The following TLCD4 variants were observed in gnomAD, a reference collection of about 807,000 sequenced individuals.
TLCD4 encodes TLC domain containing 4, also known as TLC domain-containing protein 4.
A neutral mutation model predicts 24.2 loss-of-function variants in TLCD4; 7 were observed. The ratio of observed to expected loss-of-function variants is 0.29; its 90% CI spans 0.16 to 0.54. The LOEUF (loss-of-function observed/expected upper bound fraction) is 0.54, where lower values mean the gene tolerates loss of function less well. Among genes scored for constraint, TLCD4 ranks in the 20% least tolerant of loss-of-function variants. TLCD4 has a pLI of 0.95. For missense variants in TLCD4, 259 were observed against 313.9 expected, an observed-to-expected ratio of 0.82 and a Z score of 1.32; for synonymous variants, 103 against 106.4, an observed-to-expected ratio of 0.97 and a Z score of 0.20.
the TLCD4 span, among the ~76,000 whole-genome samples, chr1:95,111,882 A>T: frequency 6.6e-6 from 1 of 152,232 alleles, no homozygotes; most frequent in Non-Finnish European, 1.5e-5. Context: ...CTCTGGAGAA[A>T]GGAGTTTATC....
chr1:95,098,250 AC>A, the TLCD4 span, among the ~76,000 whole-genome samples: 1 of 152,194 alleles, frequency 6.6e-6, no homozygotes, highest in African/African-American at 2.4e-5. Context: ...GATCTCAATA[AC>A]ACTAGTCCTC....
At position 95,193,511 on chromosome 1, in the gene TLCD4, C is replaced by T. The variant is rs1679091955; in HGVS notation, c.*1643C>T. Reference sequence around the variant, plus strand: ...TTGAACTCATACCAAAAGATGTAATCCAGTTTCTCAGTTTGAAGGAGAACG... The same window carrying T: ...TTGAACTCATACCAAAAGATGTAATTCAGTTTCTCAGTTTGAAGGAGAACG... On this transcript the variant is annotated 3_prime_UTR_variant, in exon 7 of 7. Transcript: ENST00000370203. 6.6e-6 allele frequency: 1 copy of T among 151,998 alleles called. No individual in the cohort carries two copies. The highest frequency in any genetic ancestry group is 2.4e-5 in the African/African-American group (1 of 41,414). The allele number at this position is 151,998 out of a possible 1,614,324, so 9.4% of individuals were successfully genotyped here.
chr1:95,173,837 A>G lies in TLCD4; in HGVS notation c.421A>G (p.Ile141Val), dbSNP rs771029666. Residue 141 changes from isoleucine (I) to valine (V), a missense_variant, in exon 6 of 7, where the codon ATT becomes GTT. Transcript: ENST00000370203. ...LVLKNGVLAY[I>V]GNFRLLAELS... Reference sequence around the variant, plus strand: ...TCAGAAAAATGGAGTGCTGGCATACATTGGGAATTTTCGCCTGCTTGCAGA... The same window carrying G: ...TCAGAAAAATGGAGTGCTGGCATACGTTGGGAATTTTCGCCTGCTTGCAGA... 11 of 1,614,046 alleles carry G rather than the reference A, an allele frequency of 6.8e-6. No individual in the cohort carries two copies. Among genetic ancestry groups the G allele is most frequent in the African/African-American group, 2.7e-5 (2 of 74,928 alleles).
At position 95,150,276 on chromosome 1, in the gene TLCD4, ATGT is replaced by A. The variant is rs776163387; in HGVS notation, c.304+15_304+17del. 6.0e-5 allele frequency: 97 copies of A among 1,609,212 alleles called. No homozygotes were observed. In the East Asian group the frequency reaches 1.1e-3, roughly 19 times the overall value. ...GGCTACCTCATTTCTGGTATGTGAG[ATGT>A]TGTTTTATTGTCTAATTCCTTGTAA... On this transcript the variant is annotated intron_variant, in intron 4 of 6. Coordinates refer to ENST00000370203, the MANE Select transcript of TLCD4 (RefSeq NM_152487.3).
chr1:95,127,011 A>G (rs1030792818), intron 1 of TLCD4, among the ~76,000 whole-genome samples: 1 of 152,304 alleles, frequency 6.6e-6, no homozygotes, highest in South Asian at 2.1e-4. Flanking sequence ...TGTACTAGGA[A>G]CTGTGCTTGG....
chr1:95,180,411 T>C (rs1015308671), intron 6 of TLCD4, among the ~76,000 whole-genome samples: 1 of 152,224 alleles, frequency 6.6e-6, no homozygotes, highest in Non-Finnish European at 1.5e-5. Context: ...AATGGCATCA[T>C]TGGGCAGTAA....
At position 95,192,074 on chromosome 1, in the gene TLCD4, A is replaced by C. The variant is rs1288477510; in HGVS notation, c.*206A>C. 5 of 1,181,390 alleles carry C rather than the reference A, an allele frequency of 4.2e-6. No individual in the cohort carries two copies. The highest frequency in any genetic ancestry group is 5.6e-6 in the Non-Finnish European group (5 of 896,310). 73.2% of individuals were successfully genotyped at this position (1,181,390 alleles called of 1,614,324 possible). ...CACTTTGGGAGGCCAAGGTGGGTCG[A>C]TCACTGAGGTCAGGAGTTCGAGACT... On this transcript the variant is annotated 3_prime_UTR_variant, in exon 7 of 7. Transcript: ENST00000370203.
chr1:95,162,466 C>T (rs1677846759), intron 5 of TLCD4, among the ~76,000 whole-genome samples: 1 of 151,770 alleles, frequency 6.6e-6, no homozygotes, highest in African/African-American at 2.4e-5. Context: ...ATTTGCCAGT[C>T]TGTGTCTTTT....
At chr1:95,177,189 T>C (rs1182278836) in intron 6 of TLCD4, among the ~76,000 whole-genome samples, 1 of 152,214 alleles carries the variant, frequency 6.6e-6, no homozygotes, top group Admixed American at 6.5e-5. Context: ...AGAATCAGTT[T>C]TCTATCCTTA....
At chr1:95,123,298 C>T (rs1472334658) in intron 1 of TLCD4, among the ~76,000 whole-genome samples, 3 of 152,074 alleles carry the variant, frequency 2.0e-5, no homozygotes, top group African/African-American at 7.2e-5. Context: ...TGTGAGTGCT[C>T]CCAAACAGAT....
At chr1:95,120,124 T>C (rs1237976099) in intron 1 of TLCD4, 1 of 152,192 alleles carries the variant, frequency 6.6e-6, no homozygotes, top group Non-Finnish European at 1.5e-5. Context: ...TTCTTCCATT[T>C]GCCTTGAGAG....
At chr1:95,174,497 C>T (rs1034159916) in intron 6 of TLCD4, among the ~76,000 whole-genome samples, 2 of 137,908 alleles carry the variant, frequency 1.5e-5, no homozygotes. Context: ...ATTGTGAGAT[C>T]CCATCCCTAC....
chr1:95,177,217 G>A (rs1482313731), intron 6 of TLCD4, among the ~76,000 whole-genome samples: 1 of 151,856 alleles, frequency 6.6e-6, no homozygotes, highest in East Asian at 1.9e-4. Flanking sequence ...ATGTTCCTTT[G>A]GGTTTTTCTC....
chr1:95,157,319 A>G (rs1255604258), intron 5 of TLCD4, among the ~76,000 whole-genome samples: 4 of 152,224 alleles, frequency 2.6e-5, no homozygotes, highest in African/African-American at 7.2e-5. Context: ...TATAATATGT[A>G]TATTACAAAA....
the TLCD4 span, among the ~76,000 whole-genome samples, chr1:95,111,465 T>G: frequency 6.6e-6 from 1 of 152,228 alleles, no homozygotes; most frequent in Non-Finnish European, 1.5e-5. Context: ...ACCAGAGGTG[T>G]TTATCATGTA....
At chr1:95,126,805 T>C (rs1407775120) in intron 1 of TLCD4, among the ~76,000 whole-genome samples, 1 of 152,202 alleles carries the variant, frequency 6.6e-6, no homozygotes, top group Admixed American at 6.5e-5. Context: ...AGATAGTGTT[T>C]TTTAAGTCCT....
chr1:95,117,110 C>T (rs1029524467), upstream of TLCD4, among the ~76,000 whole-genome samples: 4 of 152,230 alleles, frequency 2.6e-5, no homozygotes, highest in African/African-American at 7.2e-5. Context: ...ACAGTTCCCC[C>T]GCTGGCAAGT....
intron 1 of TLCD4, among the ~76,000 whole-genome samples, chr1:95,131,096 C>A (rs1571728526): frequency 4.6e-5 from 7 of 152,230 alleles, no homozygotes; most frequent in Admixed American, 2.6e-4. Flanking sequence ...ACATGGAAGA[C>A]ATTGTGTTGT....
intron 6 of TLCD4, among the ~76,000 whole-genome samples, chr1:95,177,184 C>G (rs1278177118): frequency 6.6e-6 from 1 of 152,152 alleles, no homozygotes; most frequent in Non-Finnish European, 1.5e-5. Flanking sequence ...TCATTAGAAT[C>G]AGTTTTCTAT....
Sources: allele counts gnomAD v4.1 joint callset (sites outside exome capture counted in the v4.1 genomes callset), GRCh38; gene constraint gnomAD v4.1.1; transcripts MANE v1.5; gene names NCBI Gene and HGNC (gene_info 2026-07-23, HGNC 2026-07-21).